Variants in EML4 observed in about 807,000 individuals in gnomAD.
EML4 encodes EMAP like 4, also known as echinoderm microtubule-associated protein-like 4.
In EML4, 72 loss-of-function variants were observed where a neutral mutation model predicts 129.0. That is an observed-to-expected ratio of 0.56 (90% CI 0.46 to 0.68). The LOEUF (loss-of-function observed/expected upper bound fraction) is 0.68, where lower values mean the gene tolerates loss of function less well. Ranked by LOEUF, EML4 falls within the 30% of genes least tolerant of loss-of-function variation. The probability of loss-of-function intolerance (pLI) is 0.00; values close to 1 mark genes in which losing one functional copy is unlikely to be tolerated. For missense variants in EML4, 1,363 were observed against 1,190.6 expected, an observed-to-expected ratio of 1.14 and a Z score of -2.13; for synonymous variants, 532 against 405.0, an observed-to-expected ratio of 1.31 and a Z score of -3.77.
At chr2:42,172,918 T>C (rs1303522158) in intron 1 of EML4, among the ~76,000 whole-genome samples, 1 of 152,210 alleles carries the variant, frequency 6.6e-6, no homozygotes, top group Non-Finnish European at 1.5e-5. Context: ...GGAATTAACC[T>C]AGAGATTAGT....
chr2:42,225,950 T>C (rs1447890451), intron 1 of EML4, among the ~76,000 whole-genome samples: 4 of 152,174 alleles, frequency 2.6e-5, no homozygotes, highest in Non-Finnish European at 1.5e-5. Context: ...GTAAAATGTA[T>C]AAATATTTTA....
chr2:42,324,005 AAAAT>A (rs1429538079), intron 19 of EML4, among the ~76,000 whole-genome samples: 1 of 150,386 alleles, frequency 6.6e-6, no homozygotes, highest in African/African-American at 2.4e-5. Flanking sequence ...TAGGTGAAAA[AAAAT>A]AAAGGCCAGG....
At position 42,302,408 on chromosome 2, in the gene EML4, C is replaced by T. The variant is rs547603056; in HGVS notation, c.1642-696C>T. 3.0e-4 allele frequency among the ~76,000 whole-genome samples: 45 copies of T among 152,094 alleles called. No homozygotes were observed. In the South Asian group the frequency reaches 8.5e-3, roughly 29 times the overall value. On this transcript the variant is annotated intron_variant, in intron 14 of 22. Transcript: ENST00000318522. ...AGTGGGTAGGGCATGTATTATTATC[C>T]TTATATTACAGAAAATGTTTCTTAG...
intron 1 of EML4, among the ~76,000 whole-genome samples, chr2:42,219,800 T>A (rs1335957314): frequency 6.6e-6 from 1 of 150,978 alleles, no homozygotes; most frequent in Non-Finnish European, 1.5e-5. Context: ...GGGGCGCATG[T>A]CTGTAATCCC....
intron 5 of EML4, among the ~76,000 whole-genome samples, chr2:42,264,189 C>T (rs1156268731): frequency 1.5e-5 from 2 of 134,192 alleles, no homozygotes; most frequent in South Asian, 2.4e-4. Flanking sequence ...TCATGTCTTA[C>T]TGCAGCCTTC....
At chr2:42,206,560 C>G (rs983225608) in intron 1 of EML4, among the ~76,000 whole-genome samples, 1 of 152,174 alleles carries the variant, frequency 6.6e-6, no homozygotes, top group African/African-American at 2.4e-5. Flanking sequence ...GTCTTGCCTA[C>G]TTTAATCTGG....
In EML4 at chr2:42,256,556, T is replaced by C; in HGVS notation, c.264T>C (p.Gly88=). 6.2e-7 allele frequency: 1 copy of C among 1,613,850 alleles called. No homozygotes were observed. The highest frequency in any genetic ancestry group is 1.1e-5 in the South Asian group (1 of 91,050). ...TGTCCTGTATAACCAATGGAAGTGG[T>C]GCAAACAGAAAACCAAGTCATACCA... ...IPMSCITNGS[G]ANRKPSHTSA... is the part of the protein sequence containing the mutation. Residue 88 remains glycine, a synonymous_variant, in exon 3 of 23, where the codon GGT becomes GGC. Transcript: ENST00000318522.
intron 6 of EML4, among the ~76,000 whole-genome samples, chr2:42,280,360 T>C (rs1234908274): frequency 1.3e-5 from 2 of 152,258 alleles, no homozygotes; most frequent in Non-Finnish European, 2.9e-5. Flanking sequence ...GACTAGGACT[T>C]TATAGTATCA....
intron 1 of EML4, among the ~76,000 whole-genome samples, chr2:42,244,869 G>A (rs1675283054): frequency 6.6e-6 from 1 of 152,030 alleles, no homozygotes; most frequent in Non-Finnish European, 1.5e-5. Context: ...GTTTCCTGAT[G>A]TCTACAAGAT....
chr2:42,186,835 A>G (rs1671277201), intron 1 of EML4, among the ~76,000 whole-genome samples: 1 of 152,106 alleles, frequency 6.6e-6, no homozygotes, highest in Non-Finnish European at 1.5e-5. Flanking sequence ...TAATAAAATG[A>G]CAATTTTAGG....
rs766070190 is a variant in EML4 at position 42,256,582 on chromosome 2, G to C, written c.290G>C (p.Ser97Thr). Residue 97 changes from serine to threonine, a missense_variant, in exon 3 of 23, where the codon AGT (serine) becomes ACT (threonine). Transcript: ENST00000318522. ...GCAAACAGAAAACCAAGTCATACCAGTGCTGTCTCAATTGCAGGAAAAGAA... is the reference window on the plus strand; with the variant it reads ...GCAAACAGAAAACCAAGTCATACCACTGCTGTCTCAATTGCAGGAAAAGAA... The part of the protein sequence containing the change: ...SGANRKPSHT[S>T]AVSIAGKETL... 6.2e-7 allele frequency: 1 copy of C among 1,613,906 alleles called. No homozygotes were observed. Among genetic ancestry groups the C allele is most frequent in the Non-Finnish European group, 8.5e-7 (1 of 1,179,870 alleles).
intron 1 of EML4, among the ~76,000 whole-genome samples, chr2:42,202,219 T>A (rs1672276091): frequency 6.6e-6 from 1 of 152,182 alleles, no homozygotes; most frequent in Non-Finnish European, 1.5e-5. Context: ...GGTGATCTAT[T>A]GCACAGTATG....
intron 1 of EML4, among the ~76,000 whole-genome samples, chr2:42,206,854 T>A (rs1406286484): frequency 5.3e-5 from 8 of 152,226 alleles, no homozygotes; most frequent in Non-Finnish European, 1.2e-4. Context: ...AGTCCTGGAT[T>A]CAAATTCTGA....
intron 3 of EML4, among the ~76,000 whole-genome samples, chr2:42,260,723 A>C (rs1022017736): frequency 6.6e-6 from 1 of 152,248 alleles, no homozygotes; most frequent in Admixed American, 6.5e-5. Context: ...GAATTGGAGA[A>C]TAACCTATTA....
At chr2:42,214,682 T>C (rs769704445) in intron 1 of EML4, among the ~76,000 whole-genome samples, 14 of 152,146 alleles carry the variant, frequency 9.2e-5, no homozygotes, top group Non-Finnish European at 1.8e-4. Flanking sequence ...CATGGTGATA[T>C]GCAGCTGGAG....
intron 5 of EML4, among the ~76,000 whole-genome samples, chr2:42,263,603 C>T (rs1665871605): frequency 6.6e-6 from 1 of 150,958 alleles, no homozygotes; most frequent in South Asian, 2.1e-4. Context: ...CGGGGTTTCA[C>T]CATGTTGGCC....
At chr2:42,257,928 T>C (rs1401863764) in intron 3 of EML4, among the ~76,000 whole-genome samples, 2 of 152,164 alleles carry the variant, frequency 1.3e-5, no homozygotes, top group Non-Finnish European at 2.9e-5. Context: ...TGCTAAACTT[T>C]ATTACCTGTA....
At position 42,323,183 on chromosome 2, in the gene EML4, T is replaced by C. The variant is rs578087967; in HGVS notation, c.2155-2284T>C. On this transcript the variant is annotated intron_variant, in intron 19 of 22. Coordinates refer to ENST00000318522, the MANE Select transcript of EML4 (RefSeq NM_019063.5). ...ATTCTCAGAGGCCTGTACTTTGCCA[T>C]GACCAATCTTGTTAAATCTTCATCC... Among the ~76,000 whole-genome samples the C allele has an allele frequency of 4.6e-5, 7 of 152,356 alleles. No individual in the cohort carries two copies. The South Asian group carries it at 6.2e-4, about 14-fold the overall frequency.
chr2:42,307,710 A>G (rs1471446526), intron 17 of EML4, among the ~76,000 whole-genome samples: 3 of 152,134 alleles, frequency 2.0e-5, no homozygotes, highest in Non-Finnish European at 1.5e-5. Flanking sequence ...CTGGAGTGCA[A>G]TGGCATGATC....
Sources: allele counts gnomAD v4.1 joint callset (sites outside exome capture counted in the v4.1 genomes callset), GRCh38; gene constraint gnomAD v4.1.1; transcripts MANE v1.5; gene names NCBI Gene and HGNC (gene_info 2026-07-23, HGNC 2026-07-21).